The following SNTG2 variants were observed in gnomAD, a reference collection of about 807,000 sequenced individuals.
SNTG2 encodes the protein gamma-2-syntrophin.
A neutral mutation model predicts 70.9 loss-of-function variants in SNTG2; 74 were observed. The observed-to-expected ratio is 1.04, with a 90% CI of 0.86 to 1.27. SNTG2 has a LOEUF of 1.27. SNTG2 is among the 50% of genes most tolerant of loss of function. SNTG2 has a pLI of 0.00. For synonymous variants in SNTG2, 278 were observed against 273.8 expected (o/e 1.02, Z -0.15); for missense variants, 717 against 690.7 (o/e 1.04, Z -0.43).
At chr2:1,146,400 G>T (rs1211871271) in intron 6 of SNTG2, among the ~76,000 whole-genome samples, 1 of 152,052 alleles carries the variant, frequency 6.6e-6, no homozygotes, top group Non-Finnish European at 1.5e-5. Context: ...AGAAATCATA[G>T]AAAAAAATTA....
At chr2:1,321,123 AG>A (rs1279415203) in intron 16 of SNTG2, among the ~76,000 whole-genome samples, 8 of 152,232 alleles carry the variant, frequency 5.3e-5, no homozygotes, top group Admixed American at 1.3e-4. Context: ...TCCTATTGTC[AG>A]GAAAATGGGA....
chr2:1,299,981 C>G (rs1346928818), intron 14 of SNTG2, among the ~76,000 whole-genome samples: 2 of 150,604 alleles, frequency 1.3e-5, no homozygotes, highest in Non-Finnish European at 3.0e-5. Flanking sequence ...AATGAGGGCA[C>G]TTACCATCAC....
intron 4 of SNTG2, among the ~76,000 whole-genome samples, chr2:1,104,955 C>A (rs75017266): frequency 0.12 from 18,624 of 152,182 alleles, 1,318 homozygotes; most frequent in Admixed American, 0.15. Context: ...GGGGCACCAC[C>A]CCTGAAGAAG....
At chr2:974,888 A>G (rs763943266) in intron 1 of SNTG2, among the ~76,000 whole-genome samples, 1 of 152,176 alleles carries the variant, frequency 6.6e-6, no homozygotes. Flanking sequence ...GGCTTTATGT[A>G]TTCTACATAT....
At chr2:1,218,425 G>A (rs1391903157) in intron 9 of SNTG2, among the ~76,000 whole-genome samples, 1 of 152,140 alleles carries the variant, frequency 6.6e-6, no homozygotes, top group Non-Finnish European at 1.5e-5. Context: ...GTTTCCCTCT[G>A]GAAAGCCCAT....
intron 15 of SNTG2, among the ~76,000 whole-genome samples, chr2:1,312,748 AAG>A (rs1169936164): frequency 3.1e-4 from 47 of 152,198 alleles, no homozygotes; most frequent in African/African-American, 1.1e-3. Context: ...AGACTCTCAC[AAG>A]AGTGTCCTGG....
chr2:1,183,553 A>G (rs1672063545), intron 8 of SNTG2, among the ~76,000 whole-genome samples: 1 of 152,194 alleles, frequency 6.6e-6, no homozygotes, highest in Non-Finnish European at 1.5e-5. Context: ...CAGATAGAGA[A>G]TAGTATTTCT....
intron 2 of SNTG2, among the ~76,000 whole-genome samples, chr2:1,093,119 T>C (rs989750862): frequency 6.6e-6 from 1 of 152,096 alleles, no homozygotes; most frequent in Non-Finnish European, 1.5e-5. Context: ...GCCGTGATTA[T>C]GGGGGAACGC....
intron 4 of SNTG2, among the ~76,000 whole-genome samples, chr2:1,118,063 G>A (rs1170467101): frequency 1.3e-5 from 2 of 152,126 alleles, no homozygotes; most frequent in African/African-American, 4.8e-5. Context: ...GCCAGAGTCT[G>A]CCTCAGAACA....
chr2:964,012 G>T (rs563444721), intron 1 of SNTG2, among the ~76,000 whole-genome samples: 1 of 151,984 alleles, frequency 6.6e-6, no homozygotes, highest in South Asian at 2.1e-4. Flanking sequence ...TAGTCTCAAG[G>T]CTCAGCGATC....
At chr2:1,177,628 A>C (rs113803131) in intron 8 of SNTG2, among the ~76,000 whole-genome samples, 60 of 152,308 alleles carry the variant, frequency 3.9e-4, no homozygotes, top group African/African-American at 1.4e-3. Context: ...AAAGAAATTA[A>C]TTCCTGTTTA....
chr2:1,097,688 CTG>C lies in SNTG2; in HGVS notation c.211-505_211-504del, dbSNP rs1284203904. Among the ~76,000 whole-genome samples the C allele has an allele frequency of 6.6e-6, 1 of 152,080 alleles. No individual in the cohort carries two copies. Reference sequence around the variant, plus strand: ...ACCTACCCTTAAATATCCCAGACATCTGTGGTCAGAGGACGTGAAAAAATGGA... The same window carrying C: ...ACCTACCCTTAAATATCCCAGACATCTGGTCAGAGGACGTGAAAAAATGGA... On this transcript the variant is annotated intron_variant, in intron 2 of 16. Transcript: ENST00000308624. The surrounding 1 kb of genome is among the most constrained non-coding windows in gnomAD (Gnocchi z 4.1).
At chr2:1,280,662 G>T (rs144527272) in intron 14 of SNTG2, among the ~76,000 whole-genome samples, 1 of 152,104 alleles carries the variant, frequency 6.6e-6, no homozygotes, top group East Asian at 1.9e-4. Context: ...TTATTCATTC[G>T]CTTAAATCCT....
At chr2:1,023,354 G>A (rs1170235854) in intron 1 of SNTG2, among the ~76,000 whole-genome samples, 3 of 152,120 alleles carry the variant, frequency 2.0e-5, no homozygotes, top group Non-Finnish European at 4.4e-5. Flanking sequence ...TGTGAGGTGA[G>A]TGGCCATGAC....
chr2:1,199,049 A>C (rs925394221), intron 8 of SNTG2, among the ~76,000 whole-genome samples: 2 of 151,640 alleles, frequency 1.3e-5, no homozygotes, highest in African/African-American at 2.4e-5. Flanking sequence ...GCATTACGTA[A>C]TGCAAAAACC....
chr2:1,244,306 C>T (rs1287171624), intron 11 of SNTG2, among the ~76,000 whole-genome samples: 1 of 152,268 alleles, frequency 6.6e-6, no homozygotes, highest in East Asian at 1.9e-4. Flanking sequence ...CTCTACTCCT[C>T]CCTCTTACTA....
At chr2:973,912 C>T (rs970703367) in intron 1 of SNTG2, among the ~76,000 whole-genome samples, 2 of 152,112 alleles carry the variant, frequency 1.3e-5, no homozygotes, top group Non-Finnish European at 2.9e-5. Flanking sequence ...GATTTTCCAT[C>T]TGTCCATGTG....
intron 16 of SNTG2, among the ~76,000 whole-genome samples, chr2:1,348,153 C>T (rs1660392697): frequency 6.6e-6 from 1 of 152,112 alleles, no homozygotes; most frequent in Admixed American, 6.6e-5. Context: ...GCCACTGGAC[C>T]CTGCCTGGAG....
chr2:1,248,370 T>C (rs907573089), intron 12 of SNTG2, among the ~76,000 whole-genome samples: 1 of 152,234 alleles, frequency 6.6e-6, no homozygotes, highest in African/African-American at 2.4e-5. Context: ...CATTTGACAA[T>C]GATGCAGCAT....
Sources: gnomAD v4.1 joint callset for allele counts (sites outside exome capture counted in the v4.1 genomes callset) on GRCh38, gnomAD v4.1.1 for gene constraint, Gnocchi (gnomAD v3.1) non-coding constraint, MANE v1.5 for transcripts, NCBI Gene and HGNC (gene_info 2026-07-23, HGNC 2026-07-21) for gene names.